SH3TC2: variants seen among roughly 807,000 people sequenced by gnomAD.
SH3TC2 encodes SH3 domain and tetratricopeptide repeats 2, also known as SH3 domain and tetratricopeptide repeat-containing protein 2.
Under a neutral mutation model 124.5 loss-of-function variants are expected in SH3TC2, and 87 were observed. That is an observed-to-expected ratio of 0.70 (90% confidence interval 0.59 to 0.84). The LOEUF is 0.84. SH3TC2 is among the 40% of genes least tolerant of loss of function. The pLI, the probability that SH3TC2 is intolerant of heterozygous loss-of-function variation, is 0.00. For synonymous variants in SH3TC2, 634 were observed against 628.5 expected, an observed-to-expected ratio of 1.01 and a Z score of -0.13; for missense variants, 1,536 against 1,566.4, an observed-to-expected ratio of 0.98 and a Z score of 0.33.
intron 9 of SH3TC2, among the ~76,000 whole-genome samples, chr5:149,029,638 T>G (rs1285856850): frequency 6.6e-6 from 1 of 151,756 alleles, no homozygotes; most frequent in East Asian, 1.9e-4. Flanking sequence ...CAGTAGCCAG[T>G]GAGGGAGACT....
At chr5:149,023,228 A>G (rs904468731) in intron 12 of SH3TC2, among the ~76,000 whole-genome samples, 2 of 152,212 alleles carry the variant, frequency 1.3e-5, no homozygotes, top group Non-Finnish European at 2.9e-5. Context: ...GAATTCCCCA[A>G]TAACTACCAC....
chr5:149,034,593 A>C (rs950802683), intron 8 of SH3TC2: 4 of 271,236 alleles, frequency 1.5e-5, no homozygotes, highest in African/African-American at 9.1e-5. Context: ...GGTCTTTTTA[A>C]GTTCTCTATT....
At chr5:149,012,529 G>A in intron 13 of SH3TC2, 55 bp downstream of exon 13, 3 of 1,605,608 alleles carry the variant, frequency 1.9e-6, no homozygotes, top group East Asian at 2.2e-5. Context: ...GGGTACAGCT[G>A]CCTCCCCAAA....
At chr5:149,033,981 T>C (rs561521784) in intron 8 of SH3TC2, among the ~76,000 whole-genome samples, 46 of 151,594 alleles carry the variant, frequency 3.0e-4, no homozygotes, top group South Asian at 1.0e-3. Context: ...AACCATGCAA[T>C]AAAATGAACT....
intron 12 of SH3TC2, chr5:149,026,331 A>G (rs747362856): frequency 3.5e-5 from 20 of 575,584 alleles, no homozygotes; most frequent in African/African-American, 5.6e-5. Flanking sequence ...TATAAGATAG[A>G]TGCCATTATT....
chr5:148,990,486 A>G lies in SH3TC2; in HGVS notation c.*14225T>C, dbSNP rs1053347453. On this transcript the variant is annotated 3_prime_UTR_variant, in exon 17 of 17. Coordinates refer to ENST00000515425, the MANE Select transcript of SH3TC2 (RefSeq NM_024577.4). ...ATGCTGATGAAGCCAAGTCAGGAGC[A>G]AAAGGAGATCAGAGCAGCTTGGTGG... Among the ~76,000 whole-genome samples, 2 of 152,224 alleles carry G rather than the reference A, an allele frequency of 1.3e-5. No homozygotes were observed. The highest frequency in any genetic ancestry group is 2.9e-5 in the Non-Finnish European group (2 of 68,038).
Position 149,031,628 on chromosome 5 carries a change from C to G in SH3TC2, c.1061G>C (p.Ser354Thr), listed in dbSNP as rs200790701. Residue 354 changes from serine to threonine, a missense_variant, in exon 9 of 17, where the codon AGT (serine) becomes ACT (threonine). Ser to Thr is a moderately conservative substitution (Grantham distance 58). Coordinates refer to ENST00000515425, the MANE Select transcript of SH3TC2 (RefSeq NM_024577.4). ...GCTGGAACACTCAGTCTGCTTATCA[C>G]TTCCCAGGGCCAACAGGGAGCATCT... ...EERCSLLALG[S>T]DKQTECSSFL... The G allele has an allele frequency of 1.3e-5, 21 of 1,614,026 alleles. No individual in the cohort carries two copies. The highest frequency in any genetic ancestry group is 1.8e-5 in the Non-Finnish European group (21 of 1,180,030).
intron 7 of SH3TC2, among the ~76,000 whole-genome samples, chr5:149,040,354 A>C (rs1236103052): frequency 6.6e-6 from 1 of 152,054 alleles, no homozygotes; most frequent in Non-Finnish European, 1.5e-5. Context: ...AATACCTTCC[A>C]TCCAGGCCCC....
At chr5:149,008,546 A>G (rs1580888700) in intron 15 of SH3TC2, 2 of 468,106 alleles carry the variant, frequency 4.3e-6, no homozygotes. Context: ...ATAGTGTGGC[A>G]CAGGCAACAC....
At chr5:149,047,502 T>C (rs974665734) in intron 3 of SH3TC2, 1 of 310,832 alleles carries the variant, frequency 3.2e-6, no homozygotes, top group South Asian at 3.0e-5. Flanking sequence ...TGTATCACAG[T>C]AAAAAAAAAG....
chr5:149,045,492 T>A (rs1754443298), intron 3 of SH3TC2: 1 of 150,768 alleles, frequency 6.6e-6, no homozygotes, highest in African/African-American at 2.5e-5. Flanking sequence ...ACACATGTAT[T>A]TCTAAGAGGT....
At chr5:149,013,486 C>T (rs932686247) in intron 12 of SH3TC2, among the ~76,000 whole-genome samples, 1 of 152,178 alleles carries the variant, frequency 6.6e-6, no homozygotes, top group African/African-American at 2.4e-5. Flanking sequence ...TGAACTATTA[C>T]AGTTACTAAT....
intron 1 of SH3TC2, among the ~76,000 whole-genome samples, chr5:149,061,784 T>C (rs1754753960): frequency 6.6e-6 from 1 of 152,140 alleles, no homozygotes; most frequent in African/African-American, 2.4e-5. Context: ...GTTTCTACTC[T>C]CATGGGGCAC....
rs200819602 is a variant in SH3TC2, at chr5:149,012,661, C to G, written c.3127G>C (p.Ala1043Pro). The G allele has an allele frequency of 6.2e-7, 1 of 1,614,150 alleles. No individual in the cohort carries two copies. The highest frequency in any genetic ancestry group is 8.5e-7 in the Non-Finnish European group (1 of 1,180,020). ...IFIDLGETDKAAEAWLGAGRL... is the reference protein window; with the variant it reads ...IFIDLGETDKPAEAWLGAGRL... ...CCCGCCCCAAGCCAGGCCTCAGCAG[C>G]CTTGTCTGTCTCCCCCAGGTCAATG... is the stretch of plus-strand genomic sequence containing the variant. The change falls in exon 13 of 17, where the codon GCT becomes CCT. Residue 1043 changes from alanine (A) to proline (P), a missense_variant. Around this residue, in one of 3 missense-constraint regions of SH3TC2, gnomAD observed 426 missense variants for 443.5 expected, o/e 0.96. Coordinates refer to ENST00000515425, the MANE Select transcript of SH3TC2 (RefSeq NM_024577.4).
At position 148,990,852 on chromosome 5, in the gene SH3TC2, T is replaced by C. The variant is rs1265156615; in HGVS notation, c.*13859A>G. Among the ~76,000 whole-genome samples the C allele has an allele frequency of 6.6e-6, 1 of 152,172 alleles. No homozygotes were observed. ...CCTGAGTTAAGTATTCTAAGTACAT[T>C]ATCTCTTTTAATTTTCACAGCAATT... On this transcript the variant is annotated 3_prime_UTR_variant, in exon 17 of 17. Coordinates refer to ENST00000515425, the MANE Select transcript of SH3TC2 (RefSeq NM_024577.4).
Position 149,063,006 on chromosome 5 carries a change from C to A in SH3TC2, c.17G>T (p.Cys6Phe). The stretch of plus-strand genomic sequence containing the variant: ...GGTCAGACTCCGCTCCCTGGGGATG[C>A]AGAAGCAGCCACCCATGTGTGTACC... MGGCF[C>F]IPRERSLTRG... The change falls in exon 1 of 17, where the codon TGC becomes TTC. Residue 6 changes from cysteine to phenylalanine, a missense_variant. Cys to Phe is a radical substitution (Grantham distance 205, BLOSUM62 -2). Coordinates refer to ENST00000515425, the MANE Select transcript of SH3TC2 (RefSeq NM_024577.4). 6.2e-7 allele frequency: 1 copy of A among 1,600,820 alleles called. No homozygotes were observed. The highest frequency in any genetic ancestry group is 1.7e-5 in the Admixed American group (1 of 58,758).
At chr5:149,046,258 G>A (rs1754462496) in intron 3 of SH3TC2, 2 of 153,260 alleles carry the variant, frequency 1.3e-5, no homozygotes, top group African/African-American at 2.4e-5. Flanking sequence ...AGGGGTGCTA[G>A]GTAAAAATCA....
At chr5:149,061,426 C>T (rs1020278352) in intron 1 of SH3TC2, among the ~76,000 whole-genome samples, 5 of 152,120 alleles carry the variant, frequency 3.3e-5, no homozygotes, top group Admixed American at 6.5e-5. Flanking sequence ...CCAGGGAGAG[C>T]GCGAGTTATA....
In SH3TC2 at chr5:148,985,692, A is replaced by G. The variant is rs777292025; in HGVS notation, c.*19019T>C. Among the ~76,000 whole-genome samples, 15 of 152,214 alleles carry G rather than the reference A, an allele frequency of 9.9e-5. No homozygotes were observed. Among genetic ancestry groups the G allele is most frequent in the African/African-American group, 2.4e-5 (1 of 41,464 alleles). The stretch of plus-strand genomic sequence containing the variant: ...CATTTGTGTATAGGCTTTTGTATAC[A>G]TAAGTTTTCATTTCTTTGATATAAA... On this transcript the variant is annotated 3_prime_UTR_variant, in exon 17 of 17. Coordinates refer to ENST00000515425, the MANE Select transcript of SH3TC2 (RefSeq NM_024577.4).
Sources: gnomAD v4.1 joint callset for allele counts (sites outside exome capture counted in the v4.1 genomes callset) on GRCh38, gnomAD v4.1.1 for gene constraint, gnomAD v4.1.1 regional missense constraint, MANE v1.5 for transcripts, NCBI Gene and HGNC (gene_info 2026-07-23, HGNC 2026-07-21) for gene names.